The following MFN1 variants were observed in gnomAD, a reference collection of about 807,000 sequenced individuals.
MFN1 encodes mitofusin-1.
A neutral mutation model predicts 92.4 loss-of-function variants in MFN1; 65 were observed. The observed-to-expected ratio is 0.70, with a 90% CI of 0.58 to 0.86. The LOEUF is 0.86. Among genes scored for constraint, MFN1 ranks in the 40% least tolerant of loss-of-function variants. The pLI is 0.00. For missense variants in MFN1, 781 were observed against 868.0 expected (o/e 0.90, Z 1.26); for synonymous variants, 297 against 300.9 (o/e 0.99, Z 0.13).
intron 4 of MFN1, among the ~76,000 whole-genome samples, chr3:179,360,793 G>A (rs1435394531): frequency 6.6e-6 from 1 of 152,144 alleles, no homozygotes; most frequent in Non-Finnish European, 1.5e-5. Flanking sequence ...CAATCTGTAA[G>A]TTTTAGAATA....
At chr3:179,349,379 T>G (rs1712049609) in intron 2 of MFN1, among the ~76,000 whole-genome samples, 1 of 152,178 alleles carries the variant, frequency 6.6e-6, no homozygotes, top group South Asian at 2.1e-4. Flanking sequence ...CCTCCCCAAT[T>G]TAGCAGTTAA....
Position 179,375,256 on chromosome 3 carries a change from G to C in MFN1, c.1012G>C (p.Glu338Gln). 1 of 1,613,740 alleles carries C rather than the reference G, an allele frequency of 6.2e-7. No homozygotes were observed. The highest frequency in any genetic ancestry group is 2.2e-5 in the East Asian group (1 of 44,832). Reference protein sequence around the residue: ...ISQSAVKTKFEQHTIRAKQIL... With the variant: ...ISQSAVKTKFQQHTIRAKQIL... ...GCAGTCAGCAGTGAAAACAAAGTTC[G>C]AACAGCACACTATCAGAGCTAAACA... Residue 338 changes from glutamate (E) to glutamine (Q), a missense_variant, in exon 10 of 18, where the codon GAA becomes CAA. By Grantham distance (29) the Glu-to-Gln change is conservative. Transcript: ENST00000471841.
At chr3:179,367,817 G>C (rs13076179) in intron 8 of MFN1, among the ~76,000 whole-genome samples, 30,515 of 151,466 alleles carry the variant, frequency 0.2, 3,434 homozygotes, top group Admixed American at 0.25. Context: ...CAGCTTCTTG[G>C]GGGGCTGAGG....
intron 12 of MFN1, 59 bp from the exon 13 acceptor site, chr3:179,378,282 T>C (rs958111734): frequency 7.8e-7 from 1 of 1,289,574 alleles, no homozygotes; most frequent in Non-Finnish European, 1.1e-6. Context: ...TTTATGTCTT[T>C]ATAAAAACTA....
intron 15 of MFN1, among the ~76,000 whole-genome samples, chr3:179,385,972 A>G (rs1252217872): frequency 1.3e-5 from 2 of 152,208 alleles, no homozygotes; most frequent in Non-Finnish European, 2.9e-5. Flanking sequence ...TTTTCACATC[A>G]CAGCACACAA....
At chr3:179,350,572 A>G (rs1712106796) in intron 2 of MFN1, among the ~76,000 whole-genome samples, 1 of 152,218 alleles carries the variant, frequency 6.6e-6, no homozygotes, top group Non-Finnish European at 1.5e-5. Context: ...ATCTGAATTC[A>G]GTTGTACAGG....
intron 2 of MFN1, among the ~76,000 whole-genome samples, chr3:179,349,581 T>A (rs62410448): frequency 0.068 from 10,374 of 151,714 alleles, 649 homozygotes; most frequent in Admixed American, 0.14. Context: ...TGTTCTTGGC[T>A]CACTGCAGCC....
chr3:179,393,883 G>T lies in MFN1; in HGVS notation c.*1824G>T, dbSNP rs1220937250. 1 of 152,376 alleles carries T rather than the reference G, an allele frequency of 6.6e-6. No individual in the cohort carries two copies. Among genetic ancestry groups the T allele is most frequent in the Non-Finnish European group, 1.5e-5 (1 of 68,230 alleles). The allele number at this position is 152,376 out of a possible 1,614,324, so 9.4% of individuals were successfully genotyped here. On this transcript the variant is annotated 3_prime_UTR_variant, in exon 18 of 18. Transcript: ENST00000471841. Reference sequence around the variant, plus strand: ...TACTTCTTTTTCTTTCTGAGACAGGGTCTCAGTCTGTCACCCAGGATGGAG... The same window carrying T: ...TACTTCTTTTTCTTTCTGAGACAGGTTCTCAGTCTGTCACCCAGGATGGAG...
intron 9 of MFN1, among the ~76,000 whole-genome samples, chr3:179,373,629 T>A (rs1713106479): frequency 6.6e-6 from 1 of 152,158 alleles, no homozygotes; most frequent in Admixed American, 6.5e-5. Flanking sequence ...TTCTGTGAAG[T>A]AAAAATGAAA....
intron 14 of MFN1, 79 bp from the exon 15 acceptor site, chr3:179,385,490 T>C (rs1278491208): frequency 9.0e-6 from 12 of 1,337,262 alleles, no homozygotes; most frequent in Non-Finnish European, 1.2e-5. Flanking sequence ...GATGTGCTAC[T>C]ATAATTTTAG....
Position 179,386,702 on chromosome 3 carries a change from A to G in MFN1, c.2012+73A>G, listed in dbSNP as rs1713699365. On this transcript the variant is annotated intron_variant, in intron 16 of 17. Transcript: ENST00000471841. ...TGACATACATGCAGAAAAAGCACAA[A>G]ATAAGTGTATTGCTCAAAGAATTAT... 1.0e-5 allele frequency: 14 copies of G among 1,333,784 alleles called. 1 individual carries two copies. In the South Asian group the frequency reaches 1.8e-4, roughly 17 times the overall value. 82.6% of individuals were successfully genotyped at this position (1,333,784 alleles called of 1,614,324 possible). A position where few individuals can be genotyped will look rare whatever the true frequency, so the allele number is the denominator to read the frequency against.
rs896893596 is a variant in MFN1 at position 179,382,961 on chromosome 3, G to A, written c.1663-2608G>A. The stretch of plus-strand genomic sequence containing the variant: ...TTGTTTGAGTTCTCTGTAGATTCTC[G>A]ATATTACCCCTTTGTCAGATGAGTA... On this transcript the variant is annotated intron_variant, in intron 14 of 17. Transcript: ENST00000471841. Among the ~76,000 whole-genome samples, 2 of 152,094 alleles carry A rather than the reference G, an allele frequency of 1.3e-5. 1 individual carries two copies. Among genetic ancestry groups the A allele is most frequent in the Non-Finnish European group, 2.9e-5 (2 of 68,020 alleles).
rs747714241 is a variant in MFN1 at position 179,348,805 on chromosome 3, C to T, written c.-7-40C>T. ...TGTCATCAGTTTGCATGTCTATCAT[C>T]CACTTTAGTTGGTGCTTTTCTAACT... On this transcript the variant is annotated intron_variant, in intron 1 of 17. Transcript: ENST00000471841. 1.1e-5 allele frequency: 18 copies of T among 1,594,138 alleles called. No homozygotes were observed. In the African/African-American group the frequency reaches 2.4e-4, roughly 21 times the overall value.
At chr3:179,369,654 G>A (rs1024318729) in intron 9 of MFN1, among the ~76,000 whole-genome samples, 1 of 152,076 alleles carries the variant, frequency 6.6e-6, no homozygotes, top group Non-Finnish European at 1.5e-5. Context: ...ATCACATGAC[G>A]TGCTTTAGAG....
intron 14 of MFN1, among the ~76,000 whole-genome samples, chr3:179,385,355 A>G (rs1267055334): frequency 2.0e-5 from 3 of 151,462 alleles, no homozygotes; most frequent in Non-Finnish European, 4.4e-5. Context: ...ACCCCATTGT[A>G]TATTATGAAA....
chr3:179,375,967 C>T (rs951306387), intron 10 of MFN1, among the ~76,000 whole-genome samples: 5 of 152,106 alleles, frequency 3.3e-5, no homozygotes, highest in African/African-American at 9.7e-5. Flanking sequence ...AAACACAGAT[C>T]GGGATGTTAT....
rs192573495 is a variant in MFN1, at chr3:179,383,650, A to G, written c.1663-1919A>G. ...TGATGGGGATGGCATTGAATCTATA[A>G]ATTACCTTGGGCAGTATGGCCATTT... On this transcript the variant is annotated intron_variant, in intron 14 of 17. Transcript: ENST00000471841. Among the ~76,000 whole-genome samples, 942 of 152,162 alleles carry G rather than the reference A, an allele frequency of 6.2e-3. 11 individuals carry two copies. The highest frequency in any genetic ancestry group is 0.022 in the African/African-American group (895 of 41,496).
chr3:179,369,671 A>C (rs1446995628), intron 9 of MFN1, among the ~76,000 whole-genome samples: 1 of 152,170 alleles, frequency 6.6e-6, no homozygotes, highest in Non-Finnish European at 1.5e-5. Flanking sequence ...AGAGAACCAC[A>C]GGCTCCTGAC....
In MFN1 at chr3:179,374,070, A is replaced by G. The variant is rs536666790; in HGVS notation, c.976-1150A>G. The stretch of plus-strand genomic sequence containing the variant: ...GTAATCCTAGCACTTTGTGAGACTG[A>G]GACAGGCAGATGACTTGAGGTCAGG... On this transcript the variant is annotated intron_variant, in intron 9 of 17. Coordinates refer to ENST00000471841, the MANE Select transcript of MFN1 (RefSeq NM_033540.3). Among the ~76,000 whole-genome samples the G allele has an allele frequency of 2.8e-3, 418 of 151,694 alleles. 2 individuals are homozygous for G. The highest frequency in any genetic ancestry group is 9.5e-3 in the African/African-American group (395 of 41,496).
Sources: gnomAD v4.1 joint callset for allele counts (sites outside exome capture counted in the v4.1 genomes callset) on GRCh38, gnomAD v4.1.1 for gene constraint, MANE v1.5 for transcripts, NCBI Gene and HGNC (gene_info 2026-07-23, HGNC 2026-07-21) for gene names.